Variants in NSMCE2 observed in about 807,000 individuals in gnomAD.
NSMCE2 encodes E3 SUMO-protein ligase NSE2.
Under a neutral mutation model 23.8 loss-of-function variants are expected in NSMCE2, and 24 were observed. That is an observed-to-expected ratio of 1.01 (90% CI 0.73 to 1.42). The LOEUF is 1.42. Ranked by LOEUF, NSMCE2 falls within the 40% of genes most tolerant of loss-of-function variation. The pLI is 0.00. For synonymous variants in NSMCE2, 92 were observed against 94.1 expected (o/e 0.98, Z 0.13); for missense variants, 284 against 296.5 (o/e 0.96, Z 0.31).
intron 5 of NSMCE2, among the ~76,000 whole-genome samples, chr8:125,321,679 A>G (rs1233905589): frequency 6.6e-6 from 1 of 152,252 alleles, no homozygotes; most frequent in Non-Finnish European, 1.5e-5. Context: ...TGTACAAAAA[A>G]GATAATACAT....
intron 5 of NSMCE2, among the ~76,000 whole-genome samples, chr8:125,289,392 C>T (rs1828022515): frequency 6.6e-6 from 1 of 152,190 alleles, no homozygotes. Context: ...CTGTCTCTGT[C>T]TCTGCTCTCA....
chr8:125,311,211 CTT>C (rs1828961193), intron 5 of NSMCE2, among the ~76,000 whole-genome samples: 4 of 152,158 alleles, frequency 2.6e-5, no homozygotes, highest in Non-Finnish European at 4.4e-5. Flanking sequence ...TATTTCCTTT[CTT>C]TTACCAAAGA....
chr8:125,134,722 CTTT>C (rs34284298), intron 3 of NSMCE2, among the ~76,000 whole-genome samples: 8 of 117,722 alleles, frequency 6.8e-5, no homozygotes, highest in African/African-American at 2.3e-4. Context: ...TAACGGATTC[CTTT>C]TTTTTTTTTT....
chr8:125,199,805 G>T (rs1270083222), intron 5 of NSMCE2, among the ~76,000 whole-genome samples: 2 of 152,158 alleles, frequency 1.3e-5, no homozygotes, highest in African/African-American at 4.8e-5. Flanking sequence ...TATTGTGTGG[G>T]AGTCTAAGTC....
At chr8:125,277,061 C>A (rs1172539236) in intron 5 of NSMCE2, among the ~76,000 whole-genome samples, 5 of 152,210 alleles carry the variant, frequency 3.3e-5, no homozygotes, top group Admixed American at 6.5e-5. Flanking sequence ...ATCCTGTACT[C>A]AAGTCCTATT....
intron 3 of NSMCE2, among the ~76,000 whole-genome samples, chr8:125,136,036 T>C (rs1405765955): frequency 6.6e-6 from 1 of 152,248 alleles, no homozygotes; most frequent in Non-Finnish European, 1.5e-5. Flanking sequence ...CCTTGTATGC[T>C]TCTAGTCACT....
chr8:125,308,438 A>G (rs891535265), intron 5 of NSMCE2, among the ~76,000 whole-genome samples: 1 of 152,160 alleles, frequency 6.6e-6, no homozygotes, highest in Non-Finnish European at 1.5e-5. Context: ...GACCTTTTCC[A>G]TGGTAGCATT....
intron 5 of NSMCE2, among the ~76,000 whole-genome samples, chr8:125,312,798 A>C (rs967138877): frequency 3.3e-5 from 5 of 152,108 alleles, no homozygotes; most frequent in Non-Finnish European, 7.4e-5. Flanking sequence ...GGGTGGGGTG[A>C]GCAGGAGACA....
At chr8:125,122,938 A>G (rs1208130543) in intron 3 of NSMCE2, among the ~76,000 whole-genome samples, 1 of 152,168 alleles carries the variant, frequency 6.6e-6, no homozygotes, top group Admixed American at 6.6e-5. Context: ...ACAATATGTA[A>G]ACAAATGGAT....
At chr8:125,294,590 G>T (rs556721232) in intron 5 of NSMCE2, among the ~76,000 whole-genome samples, 1 of 152,144 alleles carries the variant, frequency 6.6e-6, no homozygotes, top group African/African-American at 2.4e-5. Flanking sequence ...CTAAACTTGC[G>T]ATCGTATACT....
intron 7 of NSMCE2, among the ~76,000 whole-genome samples, chr8:125,363,742 C>T (rs1048132972): frequency 6.6e-6 from 1 of 151,950 alleles, no homozygotes; most frequent in African/African-American, 2.4e-5. Flanking sequence ...GACTTCACAG[C>T]GTAGGGGGAC....
At chr8:125,154,102 A>G (rs183893102) in intron 4 of NSMCE2, among the ~76,000 whole-genome samples, 35 of 152,312 alleles carry the variant, frequency 2.3e-4, no homozygotes, top group Non-Finnish European at 4.3e-4. Flanking sequence ...CTGCTCTGTC[A>G]TAGACTTTTG....
chr8:125,121,303 C>T (rs535411580), intron 3 of NSMCE2, among the ~76,000 whole-genome samples: 3 of 152,248 alleles, frequency 2.0e-5, no homozygotes, highest in South Asian at 2.1e-4. Flanking sequence ...CAAAGATTTG[C>T]GCTTCCTCTT....
intron 3 of NSMCE2, among the ~76,000 whole-genome samples, chr8:125,133,148 C>T (rs1819859435): frequency 6.6e-6 from 1 of 152,128 alleles, no homozygotes; most frequent in East Asian, 1.9e-4. Context: ...AAATTAAAAA[C>T]TGCAGATATC....
At chr8:125,261,140 T>C (rs908326339) in intron 5 of NSMCE2, among the ~76,000 whole-genome samples, 1 of 152,222 alleles carries the variant, frequency 6.6e-6, no homozygotes, top group Non-Finnish European at 1.5e-5. Context: ...TACAGAAGCA[T>C]GTACTTACCT....
chr8:125,339,215 G>A (rs1315709601), intron 5 of NSMCE2, among the ~76,000 whole-genome samples: 1 of 152,064 alleles, frequency 6.6e-6, no homozygotes, highest in East Asian at 1.9e-4. Context: ...AAATGCACCT[G>A]GTCTCTCTCC....
chr8:125,329,243 A>G (rs1027856623), intron 5 of NSMCE2, among the ~76,000 whole-genome samples: 1 of 152,002 alleles, frequency 6.6e-6, no homozygotes, highest in Non-Finnish European at 1.5e-5. Flanking sequence ...TTTAATTAGG[A>G]TGTTCTTGGA....
intron 4 of NSMCE2, among the ~76,000 whole-genome samples, chr8:125,161,239 G>T (rs1821608473): frequency 6.6e-6 from 1 of 151,954 alleles, no homozygotes; most frequent in South Asian, 2.1e-4. Flanking sequence ...TTGTGTTGTG[G>T]CCAGTGTGAT....
intron 5 of NSMCE2, among the ~76,000 whole-genome samples, chr8:125,227,076 G>T (rs75740827): frequency 1.4e-3 from 211 of 152,192 alleles, no homozygotes; most frequent in African/African-American, 4.8e-3. Flanking sequence ...GCCACTCAGG[G>T]TCTGTATTAG....
Sources: allele counts gnomAD v4.1 joint callset (sites outside exome capture counted in the v4.1 genomes callset), GRCh38; gene constraint gnomAD v4.1.1; transcripts MANE v1.5; gene names NCBI Gene and HGNC (gene_info 2026-07-23, HGNC 2026-07-21).